Variants in PPP2R3B observed in about 807,000 individuals in gnomAD.
The protein encoded by PPP2R3B is protein phosphatase 2 regulatory subunit B''beta, also known as serine/threonine-protein phosphatase 2A regulatory subunit B'' subunit beta.
In PPP2R3B, 68 loss-of-function variants were observed where a neutral mutation model predicts 72.9. The observed-to-expected ratio is 0.93, with a 90% CI of 0.77 to 1.14. The LOEUF (loss-of-function observed/expected upper bound fraction) is 1.14. PPP2R3B is among the 50% of genes most tolerant of loss of function. The pLI is 0.00. For synonymous variants in PPP2R3B, 466 were observed against 375.8 expected (o/e 1.24, Z -2.78); for missense variants, 1,018 against 842.0 (o/e 1.21, Z -2.59).
Position 386,483 on chromosome X carries a change from C to T in PPP2R3B, c.209G>A (p.Gly70Glu), listed in dbSNP as rs1168756748. Reference sequence around the variant, plus strand: ...CCCGGGGGTTCCCGGGGGTTCGAGCCCGCTGGGCCGGGGGGCGGCGAGCGG... The same window carrying T: ...CCCGGGGGTTCCCGGGGGTTCGAGCTCGCTGGGCCGGGGGGCGGCGAGCGG... The part of the protein sequence containing the change: ...TAPLAAPRPS[G>E]LEPPGTPGPG... The change falls in exon 1 of 13, where the codon GGG (glycine) becomes GAG (glutamate). Residue 70 changes from glycine (G) to glutamate (E), a missense_variant. Coordinates refer to ENST00000390665, the MANE Select transcript of PPP2R3B (RefSeq NM_013239.5). 7.8e-7 allele frequency: 1 copy of T among 1,281,410 alleles called. No homozygotes were observed. Among genetic ancestry groups the T allele is most frequent in the Admixed American group, 4.1e-5 (1 of 24,268 alleles). 79.4% of individuals were successfully genotyped at this position (1,281,410 alleles called of 1,614,324 possible).
At position 346,035 on chromosome X, in the gene PPP2R3B, C is replaced by CGGTGGAGGTGGG. The variant is rs1199719616; in HGVS notation, c.879+127_879+138dup. ...CAGGCCTGGGGGTGGGCTGGGAGCG[C>CGGTGGAGGTGGG]GGTGGAGGTGGGGGTGGGGGTGGGG... On this transcript the variant is annotated intron_variant, in intron 6 of 12. Coordinates refer to ENST00000390665, the MANE Select transcript of PPP2R3B (RefSeq NM_013239.5). 1.4e-3 allele frequency: 727 copies of CGGTGGAGGTGGG among 515,160 alleles called. 7 individuals are homozygous for CGGTGGAGGTGGG. The East Asian group carries it at 0.025, about 18-fold the overall frequency. The allele number at this position is 515,160 out of a possible 1,614,324, so 31.9% of individuals were successfully genotyped here. A position where few individuals can be genotyped will look rare whatever the true frequency, so the allele number is the denominator to read the frequency against.
At position 369,931 on chromosome X, in the gene PPP2R3B, C is replaced by T. The variant is rs764200058; in HGVS notation, c.325-8341G>A. 3.9e-5 allele frequency among the ~76,000 whole-genome samples: 6 copies of T among 152,114 alleles called. No homozygotes were observed. In the South Asian group the frequency reaches 8.3e-4, roughly 21 times the overall value. Reference sequence around the variant, plus strand: ...TGGAATCAGGGACGGGGGGTTTGGCCGGGACGCACACTCATGGATTCCAGC... The same window carrying T: ...TGGAATCAGGGACGGGGGGTTTGGCTGGGACGCACACTCATGGATTCCAGC... On this transcript the variant is annotated intron_variant, in intron 1 of 12. Transcript: ENST00000390665.
intron 1 of PPP2R3B, among the ~76,000 whole-genome samples, chrX:375,364 G>C (rs1054147753): frequency 1.3e-5 from 2 of 150,124 alleles, no homozygotes; most frequent in African/African-American, 4.9e-5. Context: ...CCACGATGCG[G>C]GGCGCAAACT....
intron 12 of PPP2R3B, chrX:334,754 G>A: frequency 4.3e-6 from 2 of 465,248 alleles, no homozygotes; most frequent in Non-Finnish European, 7.4e-6. Context: ...ACGGGACGGA[G>A]CCCCGGGCGT....
At position 359,859 on chromosome X, in the gene PPP2R3B, C is replaced by T. The variant is rs777640590; in HGVS notation, c.510+1546G>A. On this transcript the variant is annotated intron_variant, in intron 2 of 12. Coordinates refer to ENST00000390665, the MANE Select transcript of PPP2R3B (RefSeq NM_013239.5). ...ACTATTACCTCTGGGGTAGAAACAG[C>T]ACAGACAGGGACAGAACCTGGACTT... is the stretch of plus-strand genomic sequence containing the variant. 7.6e-5 allele frequency: 39 copies of T among 514,882 alleles called. No individual in the cohort carries two copies. The East Asian group carries it at 2.1e-3, about 28-fold the overall frequency. 31.9% of individuals were successfully genotyped at this position (514,882 alleles called of 1,614,324 possible). A position where few individuals can be genotyped will look rare whatever the true frequency, so the allele number is the denominator to read the frequency against.
chrX:357,238 G>A (rs934005657), intron 2 of PPP2R3B, among the ~76,000 whole-genome samples: 2 of 152,136 alleles, frequency 1.3e-5, no homozygotes, highest in Admixed American at 1.3e-4. Context: ...CCCGCGGCAG[G>A]TGACAAACGG....
At chrX:371,522 C>T (rs1427207038) in intron 1 of PPP2R3B, among the ~76,000 whole-genome samples, 3 of 151,752 alleles carry the variant, frequency 2.0e-5, no homozygotes, top group Admixed American at 6.6e-5. Flanking sequence ...CCAGGTGGGA[C>T]GTCGCACAGT....
chrX:346,610 G>T, intron 5 of PPP2R3B, 91 bp downstream of exon 5: 3 of 1,287,594 alleles, frequency 2.3e-6, no homozygotes, highest in Non-Finnish European at 3.2e-6. Flanking sequence ...CCCGGGCCCC[G>T]CCCGCCCCGT....
At chrX:364,399 C>G (rs1246203975) in intron 1 of PPP2R3B, among the ~76,000 whole-genome samples, 1 of 151,364 alleles carries the variant, frequency 6.6e-6, no homozygotes, top group Non-Finnish European at 1.5e-5. Context: ...ACCGGCCGGG[C>G]TCGTGCCTGC....
intron 5 of PPP2R3B, 174 bp downstream of exon 5, chrX:346,527 C>A: frequency 1.5e-6 from 1 of 672,668 alleles, no homozygotes; most frequent in Non-Finnish European, 2.5e-6. Flanking sequence ...AACCAGAGTC[C>A]CCCCAACACC....
At chrX:366,895 GCGCA>G (rs1569408670) in intron 1 of PPP2R3B, among the ~76,000 whole-genome samples, 2 of 150,768 alleles carry the variant, frequency 1.3e-5, no homozygotes, top group Non-Finnish European at 2.9e-5. Flanking sequence ...AGGTGTGGTG[GCGCA>G]TGCCTGTAAT....
chrX:386,470 CGGGGGTTCGA>C lies in PPP2R3B; in HGVS notation c.212_221del (p.Leu71ArgfsTer35). Reference sequence around the variant, plus strand: ...GCGCAGGGCCCGGCCCGGGGGTTCCCGGGGGTTCGAGCCCGCTGGGCCGGGGGGCGGCGAG... The same window carrying C: ...GCGCAGGGCCCGGCCCGGGGGTTCCCGCCCGCTGGGCCGGGGGGCGGCGAG... On this transcript the variant is annotated frameshift_variant, in exon 1 of 13. Coordinates refer to ENST00000390665, the MANE Select transcript of PPP2R3B (RefSeq NM_013239.5). LOFTEE classifies it high-confidence loss of function. 1 of 1,288,868 alleles carries C rather than the reference CGGGGGTTCGA, an allele frequency of 7.8e-7. No individual in the cohort carries two copies. Among genetic ancestry groups the C allele is most frequent in the East Asian group, 3.0e-5 (1 of 33,232 alleles). 79.8% of individuals were successfully genotyped at this position (1,288,868 alleles called of 1,614,324 possible).
Position 346,697 on chromosome X carries a change from C to T in PPP2R3B, c.792+4G>A. ...AACCGACGGCCCCTCCGCTGGGGAC[C>T]CACCGTGGTGATGTAGCGCGAGTGG... On this transcript the variant is annotated splice_donor_region_variant and intron_variant, in intron 5 of 12. Coordinates refer to ENST00000390665, the MANE Select transcript of PPP2R3B (RefSeq NM_013239.5). The T allele has an allele frequency of 6.2e-7, 1 of 1,606,412 alleles. No homozygotes were observed. Among genetic ancestry groups the T allele is most frequent in the South Asian group, 1.1e-5 (1 of 90,746 alleles).
At chrX:379,665 G>A (rs2072082384) in intron 1 of PPP2R3B, among the ~76,000 whole-genome samples, 1 of 152,220 alleles carries the variant, frequency 6.6e-6, no homozygotes, top group Non-Finnish European at 1.5e-5. Flanking sequence ...GGTGCAAGAG[G>A]TGTACCCGGG....
intron 12 of PPP2R3B, chrX:337,692 G>A (rs1268476308): frequency 6.6e-6 from 1 of 152,338 alleles, no homozygotes; most frequent in Non-Finnish European, 1.5e-5. Flanking sequence ...GCCCAAGTCG[G>A]AGGCTTCTCA....
chrX:349,758 T>A (rs190944082), intron 2 of PPP2R3B, among the ~76,000 whole-genome samples: 1 of 152,178 alleles, frequency 6.6e-6, no homozygotes, highest in African/African-American at 2.4e-5. Flanking sequence ...ATCAAGAGCA[T>A]GAAAAATCAA....
chrX:341,727 T>C lies in PPP2R3B; in HGVS notation c.1085+156A>G, dbSNP rs180973160. Reference sequence around the variant, plus strand: ...TTGTGCCACCCCCCCCCACTAGGGATTCACGTGACAGAGACACGTGCCCCC... The same window carrying C: ...TTGTGCCACCCCCCCCCACTAGGGACTCACGTGACAGAGACACGTGCCCCC... On this transcript the variant is annotated intron_variant, in intron 8 of 12. Coordinates refer to ENST00000390665, the MANE Select transcript of PPP2R3B (RefSeq NM_013239.5). 6.2e-5 allele frequency: 52 copies of C among 834,280 alleles called. No individual in the cohort carries two copies. In the East Asian group the frequency reaches 1.2e-3, roughly 19 times the overall value. 51.7% of individuals were successfully genotyped at this position (834,280 alleles called of 1,614,324 possible).
intron 1 of PPP2R3B, among the ~76,000 whole-genome samples, chrX:369,981 CG>C (rs1421751629): frequency 6.6e-6 from 1 of 152,148 alleles, no homozygotes; most frequent in African/African-American, 2.4e-5. Context: ...ACCCAGATGA[CG>C]GCCACCCCCT....
At chrX:337,774 G>C (rs1385344402) in intron 12 of PPP2R3B, 1 of 152,360 alleles carries the variant, frequency 6.6e-6, no homozygotes, top group Admixed American at 6.5e-5. Context: ...CCGGAACGGA[G>C]CCCGCACACG....
Sources: gnomAD v4.1 joint callset for allele counts (sites outside exome capture counted in the v4.1 genomes callset) on GRCh38, gnomAD v4.1.1 for gene constraint, MANE v1.5 for transcripts, NCBI Gene and HGNC (gene_info 2026-07-23, HGNC 2026-07-21) for gene names.